The following GULP1 variants were observed in gnomAD, a reference collection of about 807,000 sequenced individuals.
GULP1 encodes PTB domain-containing engulfment adapter protein 1.
A neutral mutation model predicts 40.9 loss-of-function variants in GULP1; 19 were observed. The observed-to-expected ratio is 0.46, with a 90% CI of 0.32 to 0.68. GULP1 has a LOEUF of 0.68. Ranked by LOEUF, GULP1 falls within the 30% of genes least tolerant of loss-of-function variation. The pLI, the probability that GULP1 is intolerant of heterozygous loss-of-function variation, is 0.03. For synonymous variants in GULP1, 119 were observed against 117.6 expected (o/e 1.01, Z -0.08); for missense variants, 312 against 362.2 (o/e 0.86, Z 1.12).
At chr2:188,487,087 G>C (rs1464319691) in intron 4 of GULP1, among the ~76,000 whole-genome samples, 1 of 151,900 alleles carries the variant, frequency 6.6e-6, no homozygotes, top group East Asian at 1.9e-4. Flanking sequence ...AAAAAATTCT[G>C]TTCCCTTCAA....
At position 188,328,522 on chromosome 2, in the gene GULP1, C is replaced by T. The variant is rs541601202; in HGVS notation, c.-172+36356C>T. Among the ~76,000 whole-genome samples the T allele has an allele frequency of 2.0e-5, 3 of 152,230 alleles. No homozygotes were observed. The South Asian group carries it at 6.2e-4, about 32-fold the overall frequency. On this transcript the variant is annotated intron_variant, in intron 1 of 11. Coordinates refer to ENST00000409830, the MANE Select transcript of GULP1 (RefSeq NM_016315.4). Reference sequence around the variant, plus strand: ...TACTAGAATCAGCAAAAATATATTGCTTGCTAATTAATTATCCTTCAACAT... The same window carrying T: ...TACTAGAATCAGCAAAAATATATTGTTTGCTAATTAATTATCCTTCAACAT...
At chr2:188,534,420 T>G (rs918101543) in intron 6 of GULP1, among the ~76,000 whole-genome samples, 3 of 152,114 alleles carry the variant, frequency 2.0e-5, no homozygotes, top group Non-Finnish European at 4.4e-5. Context: ...TTCTTACTTA[T>G]AAGTGGGTAC....
chr2:188,423,241 A>G (rs1186233095), intron 2 of GULP1, among the ~76,000 whole-genome samples: 2 of 152,070 alleles, frequency 1.3e-5, no homozygotes, highest in Non-Finnish European at 2.9e-5. Context: ...AATTATTATT[A>G]TAATCATCTT....
intron 1 of GULP1, among the ~76,000 whole-genome samples, chr2:188,301,023 A>G (rs2036036913): frequency 6.6e-6 from 1 of 151,752 alleles, no homozygotes; most frequent in Admixed American, 6.6e-5. Context: ...TTATTTATTT[A>G]TTTATTTTAG....
intron 7 of GULP1, 108 bp from the exon 8 acceptor site, chr2:188,569,130 AC>A: frequency 1.5e-6 from 1 of 671,462 alleles, no homozygotes; most frequent in Non-Finnish European, 2.7e-6. Context: ...CTTTTGAAGT[AC>A]CTCTTGTGAA....
intron 10 of GULP1, among the ~76,000 whole-genome samples, chr2:188,584,768 G>GTTAAA (rs1702018257): frequency 6.6e-6 from 1 of 151,650 alleles, no homozygotes; most frequent in Admixed American, 6.6e-5. Flanking sequence ...AATAGAGCTG[G>GTTAAA]TTAAAATATT....
At chr2:188,421,698 G>A (rs2055437795) in intron 2 of GULP1, among the ~76,000 whole-genome samples, 1 of 152,166 alleles carries the variant, frequency 6.6e-6, no homozygotes, top group South Asian at 2.1e-4. Flanking sequence ...TATATAGATA[G>A]ATTTATAGAG....
rs181124912 is a variant in GULP1 at position 188,554,444 on chromosome 2, T to C, written c.399+13126T>C. Among the ~76,000 whole-genome samples, 699 of 152,050 alleles carry C rather than the reference T, an allele frequency of 4.6e-3. 8 individuals are homozygous for C. The highest frequency in any genetic ancestry group is 0.016 in the African/African-American group (670 of 41,574). ...GTTGTTTAATTTTCATGTATTTGTA[T>C]ATTTTCCAAAGTTCTTATTAGTATT... On this transcript the variant is annotated intron_variant, in intron 7 of 11. Transcript: ENST00000409830.
At chr2:188,574,597 C>T (rs1022076690) in intron 9 of GULP1, among the ~76,000 whole-genome samples, 23 of 151,982 alleles carry the variant, frequency 1.5e-4, no homozygotes, top group Admixed American at 9.8e-4. Context: ...TGCAATGAGC[C>T]GTGATCATGC....
At chr2:188,468,824 A>G (rs2060344190) in intron 2 of GULP1, among the ~76,000 whole-genome samples, 3 of 152,152 alleles carry the variant, frequency 2.0e-5, no homozygotes, top group East Asian at 3.9e-4. Context: ...GATGTTTGCA[A>G]CGAGGGGAGG....
chr2:188,348,295 C>T (rs989860736), intron 1 of GULP1, among the ~76,000 whole-genome samples: 2 of 152,080 alleles, frequency 1.3e-5, no homozygotes, highest in East Asian at 1.9e-4. Context: ...GTGTCAGACC[C>T]GGAATATCAG....
chr2:188,531,035 C>T (rs1291295748), intron 6 of GULP1, among the ~76,000 whole-genome samples: 1 of 152,178 alleles, frequency 6.6e-6, no homozygotes, highest in East Asian at 1.9e-4. Flanking sequence ...TCTAGTCCAG[C>T]AAGTGTCTTT....
intron 3 of GULP1, among the ~76,000 whole-genome samples, chr2:188,482,878 A>G (rs114115603): frequency 1.1e-3 from 170 of 151,930 alleles, no homozygotes; most frequent in African/African-American, 4.0e-3. Flanking sequence ...ATTTAGAATA[A>G]AGATTTATCA....
At chr2:188,514,149 G>A (rs531426776) in intron 4 of GULP1, among the ~76,000 whole-genome samples, 1 of 151,662 alleles carries the variant, frequency 6.6e-6, no homozygotes, top group Admixed American at 6.6e-5. Context: ...TATCGGGCAA[G>A]GCTCCTGCCA....
At chr2:188,352,608 T>TCCCACACACACACA (rs773746742) in intron 1 of GULP1, among the ~76,000 whole-genome samples, 1 of 43,436 alleles carries the variant, frequency 2.3e-5, no homozygotes, top group Non-Finnish European at 3.8e-5. Flanking sequence ...TCTTTCTCTC[T>TCCCACACACACACA]CTCTCTCTCT....
At chr2:188,539,229 A>G (rs1173364999) in intron 6 of GULP1, among the ~76,000 whole-genome samples, 3 of 152,184 alleles carry the variant, frequency 2.0e-5, no homozygotes, top group South Asian at 2.1e-4. Context: ...TCTCCCATCT[A>G]TGGAGAAATG....
chr2:188,332,386 C>T (rs566831571), intron 1 of GULP1, among the ~76,000 whole-genome samples: 1 of 152,106 alleles, frequency 6.6e-6, no homozygotes, highest in South Asian at 2.1e-4. Context: ...GACGAGGTTT[C>T]GCCATGTTGG....
intron 6 of GULP1, among the ~76,000 whole-genome samples, chr2:188,539,782 G>A (rs188942427): frequency 4.6e-5 from 7 of 152,036 alleles, no homozygotes; most frequent in Admixed American, 2.0e-4. Context: ...TCAGTCTGAC[G>A]AGCAGTTATT....
intron 2 of GULP1, among the ~76,000 whole-genome samples, chr2:188,435,747 A>G (rs1293870055): frequency 5.3e-5 from 8 of 152,028 alleles, no homozygotes; most frequent in African/African-American, 1.9e-4. Flanking sequence ...CCTTGCATGC[A>G]GCTGCACAAT....
Sources: gnomAD v4.1 joint callset for allele counts (sites outside exome capture counted in the v4.1 genomes callset) on GRCh38, gnomAD v4.1.1 for gene constraint, MANE v1.5 for transcripts, NCBI Gene and HGNC (gene_info 2026-07-23, HGNC 2026-07-21) for gene names.